The following GNAO1 variants were observed in gnomAD, a reference collection of about 807,000 sequenced individuals.
GNAO1 encodes the protein G protein subunit alpha o1.
For missense variants in GNAO1, 166 were observed against 478.7 expected (o/e 0.35, Z 6.10); for synonymous variants, 164 against 180.7 (o/e 0.91, Z 0.74).
chr16:56,272,851 AG>A (rs1378246817), intron 2 of GNAO1, among the ~76,000 whole-genome samples: 1 of 152,178 alleles, frequency 6.6e-6, no homozygotes, highest in African/African-American at 2.4e-5. Flanking sequence ...TTCCCAGGAG[AG>A]TGGTAGGGTC....
At position 56,334,639 on chromosome 16, in the gene GNAO1, G is replaced by A. The variant is rs984629100; in HGVS notation, c.465-90G>A. 67 of 1,403,586 alleles carry A rather than the reference G, an allele frequency of 4.8e-5. 1 individual carries two copies. The highest frequency in any genetic ancestry group is 2.0e-4 in the South Asian group (16 of 79,090). 86.9% of individuals were successfully genotyped at this position (1,403,586 alleles called of 1,614,324 possible). ...ACAGTGACCTGGAGGGGCCCTGACC[G>A]AGACTGGACTCTGAAGATGGGTGGC... On this transcript the variant is annotated intron_variant, in intron 4 of 8. Coordinates refer to ENST00000262493, the MANE Select transcript of GNAO1 (RefSeq NM_020988.3).
chr16:56,298,728 C>T (rs1368929422), intron 3 of GNAO1, among the ~76,000 whole-genome samples: 2 of 151,792 alleles, frequency 1.3e-5, no homozygotes, highest in Admixed American at 1.3e-4. Context: ...CTGGCTAACA[C>T]GGTGAAACCC....
At chr16:56,318,234 C>A (rs1268927524) in intron 3 of GNAO1, among the ~76,000 whole-genome samples, 1 of 152,172 alleles carries the variant, frequency 6.6e-6, no homozygotes, top group Non-Finnish European at 1.5e-5. Context: ...ACGGAGAGAA[C>A]GTGACGGTGT....
intron 2 of GNAO1, among the ~76,000 whole-genome samples, chr16:56,261,084 G>T (rs2036899476): frequency 6.6e-6 from 1 of 152,226 alleles, no homozygotes; most frequent in African/African-American, 2.4e-5. Flanking sequence ...AGTTGGCGTG[G>T]CAACTGACCA....
chr16:56,273,127 T>C (rs1249323916), intron 2 of GNAO1, among the ~76,000 whole-genome samples: 1 of 152,256 alleles, frequency 6.6e-6, no homozygotes, highest in Non-Finnish European at 1.5e-5. Context: ...AGAATCTTTC[T>C]ACAGTATAGA....
chr16:56,322,255 CTGCCCAGAGAACA>C (rs1170604523), intron 3 of GNAO1, among the ~76,000 whole-genome samples: 1 of 152,206 alleles, frequency 6.6e-6, no homozygotes, highest in Non-Finnish European at 1.5e-5. Flanking sequence ...CCTGGTGAGT[CTGCCCAGAGAACA>C]TGCATGTGTT....
chr16:56,209,408 C>G (rs2036364034), intron 2 of GNAO1, among the ~76,000 whole-genome samples: 1 of 152,188 alleles, frequency 6.6e-6, no homozygotes, highest in Admixed American at 6.5e-5. Context: ...TCCCACTCCC[C>G]TTGGTCTTCA....
At chr16:56,263,677 T>C (rs1346722800) in intron 2 of GNAO1, among the ~76,000 whole-genome samples, 1 of 152,156 alleles carries the variant, frequency 6.6e-6, no homozygotes, top group Non-Finnish European at 1.5e-5. Flanking sequence ...TCACTATGTT[T>C]TGTGAGCTGG....
At chr16:56,206,363 A>G (rs1054552193) in intron 2 of GNAO1, among the ~76,000 whole-genome samples, 3 of 151,822 alleles carry the variant, frequency 2.0e-5, no homozygotes, top group Admixed American at 1.3e-4. Context: ...TTAGGAGCCA[A>G]TGTTCAAGGA....
In GNAO1 at chr16:56,192,093, C is replaced by T; in HGVS notation, c.-143C>T. On this transcript the variant is annotated 5_prime_UTR_variant, in exon 1 of 9. Coordinates refer to ENST00000262493, the MANE Select transcript of GNAO1 (RefSeq NM_020988.3). Reference sequence around the variant, plus strand: ...TTTTTGGAGGGTTCTGGTTTCCCGACATTTTTGTTTCCAGCCCAGGAGAGG... The same window carrying T: ...TTTTTGGAGGGTTCTGGTTTCCCGATATTTTTGTTTCCAGCCCAGGAGAGG... The T allele has an allele frequency of 1.7e-6, 1 of 605,950 alleles. No individual in the cohort carries two copies. The highest frequency in any genetic ancestry group is 2.9e-5 in the Admixed American group (1 of 34,076). The allele number at this position is 605,950 out of a possible 1,614,324, so 37.5% of individuals were successfully genotyped here.
intron 2 of GNAO1, among the ~76,000 whole-genome samples, chr16:56,214,596 G>A (rs2036422201): frequency 6.6e-6 from 1 of 152,216 alleles, no homozygotes; most frequent in African/African-American, 2.4e-5. Flanking sequence ...AATCATGTGG[G>A]TGGCACAAAA....
At chr16:56,337,682 G>A (rs541372565) in intron 6 of GNAO1, among the ~76,000 whole-genome samples, 21 of 151,154 alleles carry the variant, frequency 1.4e-4, no homozygotes, top group Admixed American at 3.3e-4. Context: ...TTGGCAGTGG[G>A]GTGGGTGATG....
chr16:56,256,912 G>A (rs1419218336), intron 2 of GNAO1, among the ~76,000 whole-genome samples: 4 of 152,138 alleles, frequency 2.6e-5, no homozygotes, highest in African/African-American at 9.7e-5. Flanking sequence ...GACGGACACT[G>A]CCAGTGGCCC....
intron 2 of GNAO1, chr16:56,235,481 T>G: frequency 2.2e-6 from 1 of 451,856 alleles, no homozygotes; most frequent in Admixed American, 2.4e-5. Context: ...CCATTTCCCT[T>G]TGGCTCCTGG....
At chr16:56,327,696 G>A (rs1287683809) in intron 3 of GNAO1, among the ~76,000 whole-genome samples, 3 of 152,124 alleles carry the variant, frequency 2.0e-5, no homozygotes, top group Non-Finnish European at 2.9e-5. Flanking sequence ...TGAGGGGAAG[G>A]GGAAGAAACC....
intron 2 of GNAO1, chr16:56,213,318 G>T: frequency 2.5e-6 from 1 of 398,222 alleles, no homozygotes; most frequent in Non-Finnish European, 4.4e-6. Flanking sequence ...CTTAAGTGTT[G>T]TAACTGAGCA....
chr16:56,248,064 C>T (rs2036765917), intron 2 of GNAO1, among the ~76,000 whole-genome samples: 2 of 152,194 alleles, frequency 1.3e-5, no homozygotes, highest in Admixed American at 6.5e-5. Context: ...CCAGTCTCAA[C>T]TGTTAGTGCC....
intron 3 of GNAO1, among the ~76,000 whole-genome samples, chr16:56,323,752 G>T (rs2037601236): frequency 2.0e-5 from 3 of 152,082 alleles, no homozygotes. Context: ...GGGGAGAATT[G>T]ATGTTAATAG....
chr16:56,231,641 C>A (rs2036589402), intron 2 of GNAO1, among the ~76,000 whole-genome samples: 1 of 152,168 alleles, frequency 6.6e-6, no homozygotes, highest in Non-Finnish European at 1.5e-5. Flanking sequence ...AGAATGAGCA[C>A]CCTTTTCTGA....
Sources: gnomAD v4.1 joint callset for allele counts (sites outside exome capture counted in the v4.1 genomes callset) on GRCh38, gnomAD v4.1.1 for gene constraint, MANE v1.5 for transcripts, NCBI Gene and HGNC (gene_info 2026-07-23, HGNC 2026-07-21) for gene names.